The following TTC7A variants were observed in gnomAD, a reference collection of about 807,000 sequenced individuals.
The protein encoded by TTC7A is tetratricopeptide repeat domain 7A.
TTC7A carries 110 observed loss-of-function variants against 103.7 expected under a neutral mutation model. That is an observed-to-expected ratio of 1.06 (90% CI 0.91 to 1.24). The LOEUF (loss-of-function observed/expected upper bound fraction) is 1.24. Among genes scored for constraint, TTC7A ranks in the 50% most tolerant of loss-of-function variants. TTC7A has a pLI of 0.00. For missense variants in TTC7A, 1,340 were observed against 1,116.3 expected (o/e 1.20, Z -2.86); for synonymous variants, 521 against 467.9 (o/e 1.11, Z -1.47).
At chr2:47,070,968 C>T (rs987004287) in intron 19 of TTC7A, among the ~76,000 whole-genome samples, 2 of 152,176 alleles carry the variant, frequency 1.3e-5, no homozygotes, top group Non-Finnish European at 2.9e-5. Flanking sequence ...GGCACATCCT[C>T]ACCAGGATGA....
At chr2:47,018,231 C>T (rs1479017209) in intron 11 of TTC7A, among the ~76,000 whole-genome samples, 4 of 147,700 alleles carry the variant, frequency 2.7e-5, no homozygotes, top group Admixed American at 1.4e-4. Context: ...GAGCCAAGAT[C>T]GCACCACTGT....
At position 46,934,500 on chromosome 2, in the gene TTC7A, C is replaced by T. The variant is rs1276679942; in HGVS notation, c.83-15863C>T. 2.6e-5 allele frequency among the ~76,000 whole-genome samples: 4 copies of T among 152,142 alleles called. No homozygotes were observed. The South Asian group carries it at 6.2e-4, about 24-fold the overall frequency. On this transcript the variant is annotated intron_variant, in intron 2 of 20. Coordinates refer to the TTC7A transcript ENST00000409245. Reference sequence around the variant, plus strand: ...TCTTGAACTGGCTGGTCTCCAACTCCTGACCTCAAGTGATCCACCCACCTC... The same window carrying T: ...TCTTGAACTGGCTGGTCTCCAACTCTTGACCTCAAGTGATCCACCCACCTC...
At chr2:47,006,389 A>G (rs1179150861) in intron 9 of TTC7A, among the ~76,000 whole-genome samples, 1 of 152,218 alleles carries the variant, frequency 6.6e-6, no homozygotes, top group Non-Finnish European at 1.5e-5. Context: ...GCTCTTTGCC[A>G]TCACCCTGTG....
At chr2:47,022,296 T>C (rs1053251080) in intron 12 of TTC7A, among the ~76,000 whole-genome samples, 2 of 152,190 alleles carry the variant, frequency 1.3e-5, no homozygotes, top group Admixed American at 6.5e-5. Context: ...GAACTCCTGC[T>C]TCCTGTCTGT....
chr2:46,931,514 C>T (rs924218432), intron 2 of TTC7A, among the ~76,000 whole-genome samples: 7 of 150,728 alleles, frequency 4.6e-5, no homozygotes, highest in African/African-American at 7.3e-5. Context: ...AAGAGGGAAA[C>T]AGGAGGGTCA....
intron 15 of TTC7A, among the ~76,000 whole-genome samples, chr2:47,046,004 C>G (rs918752053): frequency 6.6e-6 from 1 of 152,176 alleles, no homozygotes; most frequent in African/African-American, 2.4e-5. Flanking sequence ...CGAGCAAGAC[C>G]AGGACTCACA....
At chr2:46,935,781 AG>A (rs1669947277) in intron 2 of TTC7A, among the ~76,000 whole-genome samples, 2 of 152,086 alleles carry the variant, frequency 1.3e-5, no homozygotes, top group African/African-American at 4.8e-5. Context: ...ATTGGACCCA[AG>A]CTCCAATTTC....
intron 3 of TTC7A, among the ~76,000 whole-genome samples, chr2:46,972,729 G>T (rs1214659468): frequency 2.0e-5 from 3 of 152,222 alleles, no homozygotes; most frequent in African/African-American, 7.2e-5. Context: ...ACTTCTGCAG[G>T]GAGGAACTGT....
intron 19 of TTC7A, among the ~76,000 whole-genome samples, chr2:47,072,796 T>C (rs1403239502): frequency 2.1e-5 from 2 of 93,168 alleles, no homozygotes; most frequent in Non-Finnish European, 4.2e-5. Flanking sequence ...TTGTGGGACC[T>C]GAGGCTGAAA....
chr2:47,013,797 A>G (rs1233300188), intron 11 of TTC7A, among the ~76,000 whole-genome samples: 2 of 152,230 alleles, frequency 1.3e-5, no homozygotes, highest in Non-Finnish European at 1.5e-5. Flanking sequence ...AAACTTAAAC[A>G]TGCAGACTTG....
intron 18 of TTC7A, among the ~76,000 whole-genome samples, chr2:47,057,126 C>T (rs751564645): frequency 7.9e-5 from 12 of 152,216 alleles, no homozygotes; most frequent in African/African-American, 1.2e-4. Context: ...CGAGCAGGAG[C>T]CGAAGGCATC....
chr2:46,923,515 G>C (rs1669216312), intron 2 of TTC7A, among the ~76,000 whole-genome samples: 1 of 152,190 alleles, frequency 6.6e-6, no homozygotes, highest in South Asian at 2.1e-4. Flanking sequence ...GCCTTGGAGA[G>C]TCCTAGCCAT....
At chr2:47,072,941 T>G (rs1305151910) in intron 19 of TTC7A, among the ~76,000 whole-genome samples, 3 of 152,150 alleles carry the variant, frequency 2.0e-5, no homozygotes, top group Non-Finnish European at 4.4e-5. Context: ...TCCTGTTAGT[T>G]CCTCTATCTC....
chr2:47,016,928 G>A (rs1444009966), intron 11 of TTC7A, among the ~76,000 whole-genome samples: 1 of 152,146 alleles, frequency 6.6e-6, no homozygotes, highest in Non-Finnish European at 1.5e-5. Flanking sequence ...GCCGGGCAAG[G>A]TGGCTCACAC....
At position 47,029,604 on chromosome 2, in the gene TTC7A, C is replaced by T. The variant is rs1237294726; in HGVS notation, c.1802+220C>T. ...GGTGCCTGGTGGGTAATGGGGTGCA[C>T]ATGCTGCTCCTCAGCCCCCATGAGG... On this transcript the variant is annotated intron_variant, in intron 15 of 19. Coordinates refer to ENST00000319190, the MANE Select transcript of TTC7A (RefSeq NM_020458.4). Among the ~76,000 whole-genome samples, 5 of 152,202 alleles carry T rather than the reference C, an allele frequency of 3.3e-5. No homozygotes were observed. In the South Asian group the frequency reaches 1.0e-3, roughly 31 times the overall value.
In TTC7A at chr2:46,929,297, C is replaced by G. The variant is rs886557633; in HGVS notation, c.82+12020C>G. On this transcript the variant is annotated intron_variant, in intron 2 of 20. Coordinates refer to the TTC7A transcript ENST00000409245. ...CCCACAGTTCTGAGACCAGCCTGGT[C>G]AACATAGCCAGACCCCATGTCTATA... Among the ~76,000 whole-genome samples the G allele has an allele frequency of 3.9e-5, 6 of 152,164 alleles. No homozygotes were observed. The East Asian group carries it at 1.2e-3, about 29-fold the overall frequency.
intron 6 of TTC7A, 74 bp from the exon 7 acceptor site, chr2:46,994,283 C>A: frequency 6.6e-7 from 1 of 1,518,084 alleles, no homozygotes; most frequent in South Asian, 1.3e-5. Flanking sequence ...CTGGGATGGG[C>A]AGAGGGCGTT....
chr2:46,988,486 G>C (rs1464236960), intron 5 of TTC7A, among the ~76,000 whole-genome samples: 1 of 152,232 alleles, frequency 6.6e-6, no homozygotes, highest in Admixed American at 6.5e-5. Flanking sequence ...TACTGGCCCT[G>C]GAATGCGGAC....
At chr2:46,987,260 C>CT (rs1675110080) in intron 5 of TTC7A, among the ~76,000 whole-genome samples, 1 of 152,206 alleles carries the variant, frequency 6.6e-6, no homozygotes, top group Non-Finnish European at 1.5e-5. Context: ...GGGCACCTTT[C>CT]TGACATGTTT....
Sources: allele counts gnomAD v4.1 joint callset (sites outside exome capture counted in the v4.1 genomes callset), GRCh38; gene constraint gnomAD v4.1.1; transcripts MANE v1.5; gene names NCBI Gene and HGNC (gene_info 2026-07-23, HGNC 2026-07-21).